Variants in HHLA2 observed in about 807,000 individuals in gnomAD.
The protein encoded by HHLA2 is HHLA2 member of B7 family, also known as HERV-H LTR-associating protein 2.
In HHLA2, 48 loss-of-function variants were observed where a neutral mutation model predicts 45.9. That is an observed-to-expected ratio of 1.05 (90% CI 0.83 to 1.33). The LOEUF is 1.33. Ranked by LOEUF, HHLA2 falls within the 40% of genes most tolerant of loss-of-function variation. The probability of loss-of-function intolerance (pLI) is 0.00; values close to 1 mark genes in which losing one functional copy is unlikely to be tolerated. For synonymous variants in HHLA2, 161 were observed against 173.9 expected, an observed-to-expected ratio of 0.93 and a Z score of 0.59; for missense variants, 462 against 494.3, an observed-to-expected ratio of 0.93 and a Z score of 0.62.
At chr3:108,353,876 A>G in intron 5 of HHLA2, 96 bp downstream of exon 4, 1 of 833,710 alleles carries the variant, frequency 1.2e-6, no homozygotes, top group Non-Finnish European at 1.9e-6. Context: ...CTTCCTTCCA[A>G]GTCAATACAT....
intron 1 of HHLA2, among the ~76,000 whole-genome samples, chr3:108,300,869 T>C (rs1240599233): frequency 2.0e-5 from 3 of 152,210 alleles, no homozygotes; most frequent in Non-Finnish European, 4.4e-5. Flanking sequence ...CTGTCATATT[T>C]ATCTAAATGT....
Position 108,341,115 on chromosome 3 carries a change from G to A in HHLA2, c.-26-10673G>A, listed in dbSNP as rs150652185. Among the ~76,000 whole-genome samples, 718 of 151,934 alleles carry A rather than the reference G, an allele frequency of 4.7e-3. 5 individuals carry two copies. Among genetic ancestry groups the A allele is most frequent in the African/African-American group, 0.016 (683 of 41,426 alleles). On this transcript the variant is annotated intron_variant, in intron 3 of 10. Coordinates refer to ENST00000619531, the Ensembl canonical transcript of HHLA2. ...TTACAGGTGCTCACCACCACGCCTGGCTAATTTTTGTATTTTTGGTAGAGA... is the reference window on the plus strand; with the variant it reads ...TTACAGGTGCTCACCACCACGCCTGACTAATTTTTGTATTTTTGGTAGAGA...
intron 2 of HHLA2, chr3:108,325,486 C>T (rs2081271430): frequency 2.7e-6 from 1 of 364,542 alleles, no homozygotes; most frequent in Non-Finnish European, 5.4e-6. Flanking sequence ...TCCTGTTAAG[C>T]TTTGCTTCCT....
chr3:108,341,544 C>A (rs1251812277), intron 3 of HHLA2, among the ~76,000 whole-genome samples: 2 of 152,110 alleles, frequency 1.3e-5, no homozygotes, highest in Admixed American at 1.3e-4. Context: ...AAATATAACA[C>A]ATCTTCTTTC....
At chr3:108,324,563 G>A (rs2081257051) in intron 2 of HHLA2, among the ~76,000 whole-genome samples, 1 of 152,166 alleles carries the variant, frequency 6.6e-6, no homozygotes, top group Non-Finnish European at 1.5e-5. Context: ...TCCCCTCCAA[G>A]TCACTACCTT....
At chr3:108,330,932 G>T (rs1442013615) in intron 3 of HHLA2, among the ~76,000 whole-genome samples, 1 of 152,148 alleles carries the variant, frequency 6.6e-6, no homozygotes, top group African/African-American at 2.4e-5. Context: ...GTTAGGTGAA[G>T]GTCTTCTCTG....
At chr3:108,353,809 C>G in intron 5 of HHLA2, 29 bp downstream of exon 4, 2 of 1,498,100 alleles carry the variant, frequency 1.3e-6, no homozygotes, top group Non-Finnish European at 1.8e-6. Context: ...TTTCATGAAA[C>G]AGCAATGACA....
At chr3:108,309,896 A>T (rs142216409) in intron 1 of HHLA2, among the ~76,000 whole-genome samples, 84 of 152,214 alleles carry the variant, frequency 5.5e-4, no homozygotes, top group African/African-American at 1.9e-3. Context: ...ATGTTTATAT[A>T]TATTATTTGA....
intron 10 of HHLA2, 44 bp downstream of exon 9, chr3:108,376,601 TG>T: frequency 6.5e-7 from 1 of 1,543,340 alleles, no homozygotes; most frequent in South Asian, 1.2e-5. Flanking sequence ...AGTATAAAAA[TG>T]CTTCTTTAAA....
At chr3:108,298,605 T>G (rs1287860205) in intron 1 of HHLA2, among the ~76,000 whole-genome samples, 2 of 152,230 alleles carry the variant, frequency 1.3e-5, no homozygotes, top group Non-Finnish European at 2.9e-5. Context: ...CCAGCAGGTC[T>G]CAGAGATAAT....
At position 108,362,322 on chromosome 3, in the gene HHLA2, T is replaced by G; in HGVS notation, c.1004-20T>G. 6.4e-7 allele frequency: 1 copy of G among 1,571,584 alleles called. No homozygotes were observed. The highest frequency in any genetic ancestry group is 8.7e-7 in the Non-Finnish European group (1 of 1,148,896). ...TTTTTCTTCCAGTTCACAGACTTTG[T>G]TTCTCCTTTTTTTTTTTAGAACCGA... On this transcript the variant is annotated intron_variant, in intron 7 of 10. Transcript: ENST00000619531.
intron 4 of HHLA2, among the ~76,000 whole-genome samples, chr3:108,352,862 CTCTT>C (rs1020059425): frequency 3.3e-5 from 5 of 152,194 alleles, no homozygotes; most frequent in African/African-American, 1.2e-4. Context: ...ATGAATGACT[CTCTT>C]TCCCTTTTGG....
At chr3:108,355,255 A>G in exon 6 of HHLA2, 1 of 1,613,924 alleles carries the variant, frequency 6.2e-7, no homozygotes, top group South Asian at 1.1e-5. Context: ...CATGGAAGAA[A>G]CAGGGTCTTT....
intron 6 of HHLA2, among the ~76,000 whole-genome samples, chr3:108,356,198 T>C (rs1380613381): frequency 6.6e-6 from 1 of 151,982 alleles, no homozygotes. Context: ...TGTGGCTAAT[T>C]TTTGTATTTT....
chr3:108,354,610 C>T (rs2124737), intron 5 of HHLA2, among the ~76,000 whole-genome samples: 101,963 of 151,724 alleles, frequency 0.67, 35,075 homozygotes, highest in African/African-American at 0.77. Flanking sequence ...GATATATATA[C>T]ACACACACAC....
At chr3:108,353,659 T>A (rs773361909) in exon 5 of HHLA2, 5 of 1,613,730 alleles carry the variant, frequency 3.1e-6, no homozygotes, top group Middle Eastern at 1.7e-4. Flanking sequence ...ATAATGAGAT[T>A]CAAAATGGGA....
chr3:108,339,569 AT>A (rs2081530563), intron 3 of HHLA2, among the ~76,000 whole-genome samples: 1 of 151,662 alleles, frequency 6.6e-6, no homozygotes, highest in Non-Finnish European at 1.5e-5. Context: ...GCACATATAT[AT>A]ATATGTAATG....
chr3:108,371,937 G>A (rs1210046267), intron 8 of HHLA2, among the ~76,000 whole-genome samples: 7 of 152,152 alleles, frequency 4.6e-5, no homozygotes, highest in Non-Finnish European at 8.8e-5. Flanking sequence ...AGTTAACAAG[G>A]ATATCCAGGA....
At chr3:108,333,207 T>A (rs930005919) in intron 3 of HHLA2, among the ~76,000 whole-genome samples, 1 of 152,172 alleles carries the variant, frequency 6.6e-6, no homozygotes, top group Admixed American at 6.6e-5. Context: ...GCATCCCGAC[T>A]TCATAAATTA....
Sources: gnomAD v4.1 joint callset for allele counts (sites outside exome capture counted in the v4.1 genomes callset) on GRCh38, gnomAD v4.1.1 for gene constraint, MANE v1.5 for transcripts, NCBI Gene and HGNC (gene_info 2026-07-23, HGNC 2026-07-21) for gene names.